Variants in SHOC2 observed in about 807,000 individuals in gnomAD.
The protein encoded by SHOC2 is leucine-rich repeat protein SHOC-2.
Under a neutral mutation model 50.2 loss-of-function variants are expected in SHOC2, and 4 were observed. That is an observed-to-expected ratio of 0.08 (90% confidence interval 0.04 to 0.18). The LOEUF is 0.18. Among genes scored for constraint, SHOC2 ranks in the 10% least tolerant of loss-of-function variants. The pLI, the probability that SHOC2 is intolerant of heterozygous loss-of-function variation, is 1.00. For synonymous variants in SHOC2, 218 were observed against 244.5 expected, an observed-to-expected ratio of 0.89 and a Z score of 1.01; for missense variants, 388 against 669.6, an observed-to-expected ratio of 0.58 and a Z score of 4.64.
intron 2 of SHOC2, among the ~76,000 whole-genome samples, chr10:110,971,312 CCTTT>C (rs1290623137): frequency 6.6e-6 from 1 of 152,050 alleles, no homozygotes; most frequent in African/African-American, 2.4e-5. Context: ...AAGGGTCTGT[CCTTT>C]CTTCAATGTA....
At chr10:110,930,935 C>A (rs1010653574) in intron 1 of SHOC2, among the ~76,000 whole-genome samples, 10 of 151,934 alleles carry the variant, frequency 6.6e-5, no homozygotes, top group Non-Finnish European at 1.5e-4. Context: ...AAGTGTTGTA[C>A]AAGAGAGCTG....
In SHOC2 at chr10:110,957,816, T is replaced by C. The variant is rs376620134; in HGVS notation, c.-234-6309T>C. On this transcript the variant is annotated intron_variant, in intron 1 of 8. Coordinates refer to ENST00000369452, the MANE Select transcript of SHOC2 (RefSeq NM_007373.4). ...AATTTATCAGACTCAGCAATTTTAT[T>C]TATCTCTGGTCTATGTCCTCATACA... Among the ~76,000 whole-genome samples the C allele has an allele frequency of 5.6e-4, 86 of 152,282 alleles. No individual in the cohort carries two copies. The South Asian group carries it at 0.015, about 26-fold the overall frequency.
intron 3 of SHOC2, among the ~76,000 whole-genome samples, chr10:110,990,298 G>A (rs1413543734): frequency 1.3e-5 from 2 of 152,106 alleles, no homozygotes; most frequent in African/African-American, 2.4e-5. Context: ...AGCACCCTGT[G>A]TTTAGCTCAA....
rs1847949931 is a variant in SHOC2, at chr10:110,980,220, A to G, written c.704-5408A>G. ...CGCCTAGGCTGGAGTGCAGTGGCGCAGTCTCTGCTCACTGCAAGCTCCGCC... is the reference window on the plus strand; with the variant it reads ...CGCCTAGGCTGGAGTGCAGTGGCGCGGTCTCTGCTCACTGCAAGCTCCGCC... On this transcript the variant is annotated intron_variant, in intron 2 of 8. Transcript: ENST00000369452. Among the ~76,000 whole-genome samples, 3 of 146,056 alleles carry G rather than the reference A, an allele frequency of 2.1e-5. No individual in the cohort carries two copies. In the South Asian group the frequency reaches 6.5e-4, roughly 32 times the overall value.
intron 2 of SHOC2, among the ~76,000 whole-genome samples, chr10:110,970,544 A>G (rs1847759753): frequency 1.3e-5 from 2 of 152,142 alleles, no homozygotes; most frequent in African/African-American, 4.8e-5. Flanking sequence ...CTTTGGATAT[A>G]TACCCAGTAG....
chr10:110,987,741 CAT>C (rs1848107270), intron 3 of SHOC2, among the ~76,000 whole-genome samples: 1 of 151,254 alleles, frequency 6.6e-6, no homozygotes. Flanking sequence ...AGAAAAAAAA[CAT>C]AGGATATTTA....
chr10:110,926,359 A>G (rs1489051124), intron 1 of SHOC2, among the ~76,000 whole-genome samples: 1 of 152,202 alleles, frequency 6.6e-6, no homozygotes, highest in Non-Finnish European at 1.5e-5. Context: ...CAAACTGAAC[A>G]GGCCCAAAGG....
At chr10:110,960,067 C>G (rs1393105190) in intron 1 of SHOC2, among the ~76,000 whole-genome samples, 1 of 152,200 alleles carries the variant, frequency 6.6e-6, no homozygotes, top group Non-Finnish European at 1.5e-5. Context: ...TTTTTTACTT[C>G]TTGTGTCCAA....
intron 3 of SHOC2, among the ~76,000 whole-genome samples, chr10:110,996,058 A>G (rs1344640313): frequency 2.0e-5 from 3 of 152,224 alleles, no homozygotes. Flanking sequence ...GTGAAAATAT[A>G]CCACTGTACT....
rs142739587 is a variant in SHOC2, at chr10:111,011,689, C to T, written c.1620C>T (p.Cys540=). 6.2e-7 allele frequency: 1 copy of T among 1,613,832 alleles called. No homozygotes were observed. Among genetic ancestry groups the T allele is most frequent in the Non-Finnish European group, 8.5e-7 (1 of 1,179,898 alleles). The change falls in exon 9 of 9, where the codon TGC becomes TGT. Residue 540 remains cysteine, a synonymous_variant. Transcript: ENST00000369452. ...GCCTTCCCTTTGAGCTGGCACTCTGCAGCAAGCTTTCAATCATGAGTATTG... is the reference window on the plus strand; with the variant it reads ...GCCTTCCCTTTGAGCTGGCACTCTGTAGCAAGCTTTCAATCATGAGTATTG... ...LHSLPFELAL[C]SKLSIMSIEN... is the part of the protein sequence containing the mutation.
At chr10:110,976,060 A>T (rs2134136003) in intron 2 of SHOC2, among the ~76,000 whole-genome samples, 1 of 152,048 alleles carries the variant, frequency 6.6e-6, no homozygotes, top group Non-Finnish European at 1.5e-5. Context: ...ACAGGTGTAC[A>T]CTACCATACC....
intron 3 of SHOC2, among the ~76,000 whole-genome samples, chr10:110,988,351 G>A (rs1848120138): frequency 6.6e-6 from 1 of 152,000 alleles, no homozygotes; most frequent in Admixed American, 6.5e-5. Flanking sequence ...ATGGGAATTT[G>A]TTTTAAAGCA....
intron 1 of SHOC2, among the ~76,000 whole-genome samples, chr10:110,928,087 C>T (rs545011110): frequency 8.1e-4 from 124 of 152,162 alleles, no homozygotes; most frequent in Middle Eastern, 3.4e-3. Flanking sequence ...GAGGCCGAGG[C>T]GGGTGGGTCA....
At chr10:110,945,245 A>G (rs540146862) in intron 1 of SHOC2, among the ~76,000 whole-genome samples, 1 of 152,328 alleles carries the variant, frequency 6.6e-6, no homozygotes, top group Non-Finnish European at 1.5e-5. Flanking sequence ...ACATACGGTC[A>G]GCATTGCAAA....
chr10:110,982,818 CTTTGAT>C (rs941770142), intron 2 of SHOC2, among the ~76,000 whole-genome samples: 3 of 152,006 alleles, frequency 2.0e-5, no homozygotes, highest in Non-Finnish European at 4.4e-5. Context: ...TTTGTACTGT[CTTTGAT>C]TTTAATATCA....
intron 1 of SHOC2, among the ~76,000 whole-genome samples, chr10:110,921,294 G>A (rs10736210): frequency 1 from 152,317 of 152,360 alleles, 76,137 homozygotes; most frequent in Non-Finnish European, 1. Flanking sequence ...AGTATGATAA[G>A]CCTTTTGTCT....
At chr10:110,965,738 G>A (rs1046803057) in intron 2 of SHOC2, among the ~76,000 whole-genome samples, 1 of 152,018 alleles carries the variant, frequency 6.6e-6, no homozygotes, top group Admixed American at 6.6e-5. Flanking sequence ...GTTTTTTAAA[G>A]GCTGGTAGTA....
At chr10:110,993,645 G>A (rs1028697227) in intron 3 of SHOC2, among the ~76,000 whole-genome samples, 2 of 152,122 alleles carry the variant, frequency 1.3e-5, no homozygotes. Flanking sequence ...ACTAGATAAT[G>A]TCATGTAGCA....
chr10:110,964,177 T>A lies in SHOC2; in HGVS notation c.-182T>A. 1 of 793,334 alleles carries A rather than the reference T, an allele frequency of 1.3e-6. No homozygotes were observed. Among genetic ancestry groups the A allele is most frequent in the Non-Finnish European group, 1.9e-6 (1 of 514,324 alleles). The allele number at this position is 793,334 out of a possible 1,614,324, so 49.1% of individuals were successfully genotyped here. On this transcript the variant is annotated 5_prime_UTR_variant, in exon 2 of 9. The change abolishes an upstream ATG in the 5' untranslated region. Coordinates refer to ENST00000369452, the MANE Select transcript of SHOC2 (RefSeq NM_007373.4). This position sits in a 1 kb window ranked among gnomAD's most constrained non-coding sequence, Gnocchi z 4.9. ...GCACTATTTTACCAGTTGGAATGAATGATCAGAAATGGGCATAGTGCTTTT... is the reference window on the plus strand; with the variant it reads ...GCACTATTTTACCAGTTGGAATGAAAGATCAGAAATGGGCATAGTGCTTTT...
Sources: allele counts gnomAD v4.1 joint callset (sites outside exome capture counted in the v4.1 genomes callset), GRCh38; gene constraint gnomAD v4.1.1; non-coding constraint Gnocchi (gnomAD v3.1); transcripts MANE v1.5; gene names NCBI Gene and HGNC (gene_info 2026-07-23, HGNC 2026-07-21).